UBE4B: variants seen among roughly 807,000 people sequenced by gnomAD.
The protein encoded by UBE4B is ubiquitin conjugation factor E4 B.
UBE4B carries 27 observed loss-of-function variants against 148.1 expected under a neutral mutation model. That is an observed-to-expected ratio of 0.18 (90% CI 0.13 to 0.25). The LOEUF is 0.25. Ranked by LOEUF, UBE4B falls within the 10% of genes least tolerant of loss-of-function variation. The probability of loss-of-function intolerance (pLI) is 1.00; values close to 1 mark genes in which losing one functional copy is unlikely to be tolerated. For missense variants in UBE4B, 1,170 were observed against 1,662.4 expected, an observed-to-expected ratio of 0.70 and a Z score of 5.15; for synonymous variants, 596 against 619.3, an observed-to-expected ratio of 0.96 and a Z score of 0.56.
At chr1:10,096,373 T>C (rs1188585140) in intron 3 of UBE4B, among the ~76,000 whole-genome samples, 1 of 152,116 alleles carries the variant, frequency 6.6e-6, no homozygotes, top group Non-Finnish European at 1.5e-5. Flanking sequence ...GTCAGACTCC[T>C]TGGACCTGGC....
chr1:10,069,231 C>A (rs1244435039), intron 1 of UBE4B, among the ~76,000 whole-genome samples: 1 of 152,162 alleles, frequency 6.6e-6, no homozygotes, highest in Non-Finnish European at 1.5e-5. Context: ...GTATGCTCTT[C>A]CAATGATAAT....
chr1:10,097,853 G>T (rs2101879190), intron 3 of UBE4B, among the ~76,000 whole-genome samples: 1 of 152,064 alleles, frequency 6.6e-6, no homozygotes, highest in East Asian at 1.9e-4. Context: ...AAAATTGGGT[G>T]TCCATTTCCT....
intron 17 of UBE4B, among the ~76,000 whole-genome samples, chr1:10,142,266 T>C (rs527847591): frequency 6.6e-6 from 1 of 152,338 alleles, no homozygotes; most frequent in Non-Finnish European, 1.5e-5. Flanking sequence ...CTATAAACTC[T>C]TGTGATACCC....
At chr1:10,151,968 A>G (rs888043000) in intron 21 of UBE4B, among the ~76,000 whole-genome samples, 9 of 152,134 alleles carry the variant, frequency 5.9e-5, no homozygotes, top group Admixed American at 2.0e-4. Flanking sequence ...TTAAAAATGC[A>G]TATTCTTGGT....
intron 6 of UBE4B, 110 bp downstream of exon 6, chr1:10,105,854 A>AC: frequency 1.2e-5 from 13 of 1,109,778 alleles, no homozygotes; most frequent in South Asian, 1.5e-5. Flanking sequence ...AGGGTATGGC[A>AC]TATATCATAT....
chr1:10,132,140 A>T (rs1274510253), intron 14 of UBE4B, among the ~76,000 whole-genome samples: 1 of 152,064 alleles, frequency 6.6e-6, no homozygotes, highest in African/African-American at 2.4e-5. Flanking sequence ...AAAAAAAACA[A>T]AAAACTGTAA....
At chr1:10,125,767 C>T (rs1232415822) in intron 10 of UBE4B, among the ~76,000 whole-genome samples, 2 of 152,116 alleles carry the variant, frequency 1.3e-5, no homozygotes, top group Non-Finnish European at 2.9e-5. Context: ...CATGGTGTTA[C>T]CTGGTATTAA....
chr1:10,079,794 G>A (rs1477398352), intron 2 of UBE4B, among the ~76,000 whole-genome samples: 2 of 152,162 alleles, frequency 1.3e-5, no homozygotes, highest in Non-Finnish European at 2.9e-5. Flanking sequence ...TTGGCTGCTA[G>A]TTTTTAACCT....
At position 10,121,375 on chromosome 1, in the gene UBE4B, C is replaced by CA. The variant is rs201131968; in HGVS notation, c.1440-579dup. 2.0e-4 allele frequency among the ~76,000 whole-genome samples: 31 copies of CA among 151,576 alleles called. No homozygotes were observed. The East Asian group carries it at 3.5e-3, about 17-fold the overall frequency. ...ATCTCTAAAAAACAACAAACAACAA[C>CA]AAAAAAAACATATAATACTTCTTTT... On this transcript the variant is annotated intron_variant, in intron 9 of 27. Transcript: ENST00000343090.
intron 21 of UBE4B, among the ~76,000 whole-genome samples, chr1:10,153,490 T>TAAAAAAAAA (rs1045427991): frequency 7.3e-4 from 36 of 49,216 alleles, no homozygotes; most frequent in African/African-American, 3.0e-3. Flanking sequence ...ACCCTGTTTC[T>TAAAAAAAAA]AAAAAAAAAA....
At chr1:10,058,806 C>G (rs2101807739) in intron 1 of UBE4B, 1 of 152,460 alleles carries the variant, frequency 6.6e-6, no homozygotes, top group South Asian at 2.1e-4. Context: ...GACAGCAATG[C>G]CGACCCCCTG....
At chr1:10,101,498 C>CTTTTT (rs34066776) in intron 4 of UBE4B, among the ~76,000 whole-genome samples, 5 of 56,178 alleles carry the variant, frequency 8.9e-5, no homozygotes, top group Admixed American at 2.4e-4. Flanking sequence ...TGGTCTTTTG[C>CTTTTT]TTTTTTTTTT....
Position 10,178,810 on chromosome 1 carries a change from A to C in UBE4B, c.3692A>C (p.Glu1231Ala). ...AEIDYSDAPD[E>A]FRDPLMDTLM... ...ATCGACTACAGCGACGCTCCTGATG[A>C]GTTCAGAGGCAAGTGGACTCGTCGT... Residue 1231 changes from glutamate to alanine, a missense_variant, in exon 26 of 28, where the codon GAG (glutamate) becomes GCG (alanine). This residue lies in a region of UBE4B where 348 missense variants were observed against 627.2 expected (regional missense o/e 0.55). Transcript: ENST00000343090. 1 of 1,590,998 alleles carries C rather than the reference A, an allele frequency of 6.3e-7. No individual in the cohort carries two copies. The highest frequency in any genetic ancestry group is 8.5e-7 in the Non-Finnish European group (1 of 1,171,788).
Position 10,082,797 on chromosome 1 carries a change from T to TC in UBE4B, c.211+10586dup, listed in dbSNP as rs148483849. Among the ~76,000 whole-genome samples the TC allele has an allele frequency of 8.1e-3, 1,225 of 151,852 alleles. 24 individuals are homozygous for TC. The highest frequency in any genetic ancestry group is 0.029 in the African/African-American group (1,186 of 41,318). The stretch of plus-strand genomic sequence containing the variant: ...GCATTAGGTATTTGTCCTAATGCTC[T>TC]CCCTCCCCTTGACCCCACCCTCCCC... On this transcript the variant is annotated intron_variant, in intron 2 of 27. Coordinates refer to ENST00000343090, the MANE Select transcript of UBE4B (RefSeq NM_001105562.3).
At chr1:10,110,490 C>A (rs1645199576) in intron 7 of UBE4B, among the ~76,000 whole-genome samples, 2 of 151,752 alleles carry the variant, frequency 1.3e-5, no homozygotes, top group African/African-American at 2.4e-5. Context: ...TTCATATGTA[C>A]CCCCAAACCT....
chr1:10,175,994 C>T (rs778175225), intron 25 of UBE4B, among the ~76,000 whole-genome samples: 34 of 152,276 alleles, frequency 2.2e-4, no homozygotes, highest in Non-Finnish European at 4.4e-4. Flanking sequence ...GTCTAGACCC[C>T]CTTGCCCCAG....
chr1:10,072,794 A>C (rs1255037087), intron 2 of UBE4B: 2 of 254,076 alleles, frequency 7.9e-6, no homozygotes, highest in African/African-American at 2.2e-5. Flanking sequence ...ATTTGAAAAT[A>C]TCTCTCTTTT....
At chr1:10,120,768 G>A (rs1645397128) in intron 9 of UBE4B, among the ~76,000 whole-genome samples, 1 of 152,040 alleles carries the variant, frequency 6.6e-6, no homozygotes, top group Non-Finnish European at 1.5e-5. Context: ...AACCCGGGAG[G>A]TGGAGGTTGC....
chr1:10,084,364 T>C (rs903693864), intron 2 of UBE4B, among the ~76,000 whole-genome samples: 1 of 152,186 alleles, frequency 6.6e-6, no homozygotes, highest in Non-Finnish European at 1.5e-5. Context: ...TGCAAGGTGC[T>C]GTATCATCAT....
Sources: allele counts gnomAD v4.1 joint callset (sites outside exome capture counted in the v4.1 genomes callset), GRCh38; gene constraint gnomAD v4.1.1; regional missense constraint gnomAD v4.1.1; transcripts MANE v1.5; gene names NCBI Gene and HGNC (gene_info 2026-07-23, HGNC 2026-07-21).